The following ADAMTSL1 variants were observed in gnomAD, a reference collection of about 807,000 sequenced individuals.
ADAMTSL1 encodes the protein ADAMTS-like protein 1.
A neutral mutation model predicts 201.8 loss-of-function variants in ADAMTSL1; 126 were observed. The observed-to-expected ratio is 0.62, with a 90% CI of 0.54 to 0.72. The LOEUF is 0.72. ADAMTSL1 is among the 30% of genes least tolerant of loss of function. The pLI, the probability that ADAMTSL1 is intolerant of heterozygous loss-of-function variation, is 0.00. For missense variants in ADAMTSL1, 2,679 were observed against 2,277.8 expected (o/e 1.18, Z -3.59); for synonymous variants, 1,121 against 903.4 (o/e 1.24, Z -4.32).
chr9:18,863,631 G>T (rs917694144), intron 23 of ADAMTSL1, among the ~76,000 whole-genome samples: 1 of 152,118 alleles, frequency 6.6e-6, no homozygotes, highest in Non-Finnish European at 1.5e-5. Context: ...TTTCCAATAT[G>T]AATTAATCAT....
chr9:18,779,080 T>C (rs1418797247), intron 19 of ADAMTSL1, among the ~76,000 whole-genome samples: 1 of 152,232 alleles, frequency 6.6e-6, no homozygotes, highest in Non-Finnish European at 1.5e-5. Flanking sequence ...AGTAACTGCA[T>C]TTTTTATTCT....
intron 1 of ADAMTSL1, among the ~76,000 whole-genome samples, chr9:18,065,865 C>G (rs1285296611): frequency 1.3e-5 from 2 of 151,648 alleles, no homozygotes; most frequent in African/African-American, 4.8e-5. Flanking sequence ...CCTGTAATCC[C>G]AGCTATTCAG....
intron 1 of ADAMTSL1, among the ~76,000 whole-genome samples, chr9:18,140,655 C>A (rs141887221): frequency 3.3e-5 from 5 of 152,316 alleles, no homozygotes; most frequent in African/African-American, 1.2e-4. Flanking sequence ...TGTGCAACAA[C>A]TGAGGCAGTG....
At chr9:18,053,793 A>G (rs936534569) in intron 1 of ADAMTSL1, among the ~76,000 whole-genome samples, 5 of 152,220 alleles carry the variant, frequency 3.3e-5, no homozygotes, top group African/African-American at 1.2e-4. Context: ...AGGAGGCTTC[A>G]AGGATAAAAC....
chr9:18,384,348 C>A (rs1415075741), intron 2 of ADAMTSL1, among the ~76,000 whole-genome samples: 3 of 152,128 alleles, frequency 2.0e-5, no homozygotes, highest in Non-Finnish European at 2.9e-5. Context: ...GGGAAATCTG[C>A]CCCGTGATTC....
intron 3 of ADAMTSL1, among the ~76,000 whole-genome samples, chr9:18,534,645 G>A (rs1037080936): frequency 6.6e-6 from 1 of 152,124 alleles, no homozygotes. Context: ...TCTCTATGAG[G>A]GCTCCACCCC....
chr9:18,672,119 T>A (rs2133101119), intron 9 of ADAMTSL1, among the ~76,000 whole-genome samples: 1 of 151,848 alleles, frequency 6.6e-6, no homozygotes, highest in East Asian at 1.9e-4. Flanking sequence ...AGGATTTTTC[T>A]TGTAGAGAGA....
chr9:18,451,087 A>G (rs1424423552), intron 2 of ADAMTSL1, among the ~76,000 whole-genome samples: 1 of 152,166 alleles, frequency 6.6e-6, no homozygotes, highest in African/African-American at 2.4e-5. Flanking sequence ...AACATGCTGT[A>G]AGAAGGGGGA....
chr9:18,633,770 T>G (rs1433061617), intron 5 of ADAMTSL1, among the ~76,000 whole-genome samples: 3 of 152,032 alleles, frequency 2.0e-5, no homozygotes, highest in Non-Finnish European at 4.4e-5. Flanking sequence ...CTATAAGATT[T>G]TGTCATGAGT....
chr9:17,946,475 C>G (rs183742095), intron 1 of ADAMTSL1, among the ~76,000 whole-genome samples: 40 of 152,142 alleles, frequency 2.6e-4, no homozygotes, highest in African/African-American at 9.4e-4. Flanking sequence ...AGAAGACATT[C>G]TTTACTAAAC....
At chr9:18,416,967 A>C (rs759374457) in intron 2 of ADAMTSL1, among the ~76,000 whole-genome samples, 1 of 152,084 alleles carries the variant, frequency 6.6e-6, no homozygotes, top group African/African-American at 2.4e-5. Flanking sequence ...CAGAATACAC[A>C]TTCTTTTCAA....
At chr9:18,594,804 TG>T (rs1408491073) in intron 4 of ADAMTSL1, among the ~76,000 whole-genome samples, 4 of 152,206 alleles carry the variant, frequency 2.6e-5, no homozygotes, top group African/African-American at 9.6e-5. Flanking sequence ...CCTTTAGGGT[TG>T]ATCTCTGGCG....
intron 2 of ADAMTSL1, among the ~76,000 whole-genome samples, chr9:18,460,080 T>C (rs1284723764): frequency 6.6e-6 from 1 of 152,162 alleles, no homozygotes; most frequent in East Asian, 1.9e-4. Context: ...GTAGAAAAAG[T>C]GGGAAAACTG....
intron 1 of ADAMTSL1, among the ~76,000 whole-genome samples, chr9:18,150,263 G>T (rs1826849950): frequency 6.6e-6 from 1 of 152,042 alleles, no homozygotes; most frequent in Non-Finnish European, 1.5e-5. Context: ...AGCCTTTAAA[G>T]GATGGGCAGG....
chr9:18,708,202 G>A (rs948873607), intron 14 of ADAMTSL1, among the ~76,000 whole-genome samples: 6 of 152,202 alleles, frequency 3.9e-5, no homozygotes, highest in South Asian at 2.1e-4. Context: ...GATTGAGAAC[G>A]TAAGAATAAA....
At chr9:18,012,352 C>T (rs899649125) in intron 1 of ADAMTSL1, among the ~76,000 whole-genome samples, 2 of 152,016 alleles carry the variant, frequency 1.3e-5, no homozygotes, top group Non-Finnish European at 2.9e-5. Flanking sequence ...ATCTGGAGAA[C>T]TTGGAATGAG....
intron 4 of ADAMTSL1, among the ~76,000 whole-genome samples, chr9:18,621,866 T>G (rs1826055672): frequency 1.3e-5 from 2 of 152,180 alleles, no homozygotes; most frequent in Admixed American, 6.5e-5. Context: ...TTGTAGTTTT[T>G]GTCATTTGAG....
intron 2 of ADAMTSL1, among the ~76,000 whole-genome samples, chr9:18,216,099 C>T (rs1420187769): frequency 6.6e-6 from 1 of 152,160 alleles, no homozygotes; most frequent in African/African-American, 2.4e-5. Flanking sequence ...CCATTGATTA[C>T]TTGAACCAAG....
At chr9:18,633,415 C>A (rs1047282770) in intron 5 of ADAMTSL1, among the ~76,000 whole-genome samples, 2 of 152,006 alleles carry the variant, frequency 1.3e-5, no homozygotes, top group African/African-American at 2.4e-5. Context: ...GATGGTGAAA[C>A]CCCGTCTCTA....
Sources: gnomAD v4.1 joint callset for allele counts (sites outside exome capture counted in the v4.1 genomes callset) on GRCh38, gnomAD v4.1.1 for gene constraint, MANE v1.5 for transcripts, NCBI Gene and HGNC (gene_info 2026-07-23, HGNC 2026-07-21) for gene names.